The following MDM4 variants were observed in gnomAD, a reference collection of about 807,000 sequenced individuals.
MDM4 encodes protein Mdm4.
Under a neutral mutation model 60.2 loss-of-function variants are expected in MDM4, and 2 were observed. The ratio of observed to expected loss-of-function variants is 0.03; its 90% CI spans 0.01 to 0.10. MDM4 has a LOEUF of 0.10. MDM4 is among the 10% of genes least tolerant of loss of function. MDM4 has a pLI of 1.00. For synonymous variants in MDM4, 202 were observed against 198.1 expected (o/e 1.02, Z -0.17); for missense variants, 447 against 577.5 (o/e 0.77, Z 2.32).
rs1409517204 is a variant in MDM4, at chr1:204,525,735, C to G, written c.78+139C>G. 3 of 614,512 alleles carry G rather than the reference C, an allele frequency of 4.9e-6. No homozygotes were observed. The African/African-American group carries it at 5.7e-5, about 12-fold the overall frequency. The allele number at this position is 614,512 out of a possible 1,614,324, so 38.1% of individuals were successfully genotyped here. ...TTACTTGAAGCCAGGTGTTTGAGAC[C>G]AGCCTTGGCAACATAGTGAGACCTG... is the stretch of plus-strand genomic sequence containing the variant. On this transcript the variant is annotated intron_variant, in intron 2 of 10. Coordinates refer to ENST00000367182, the MANE Select transcript of MDM4 (RefSeq NM_002393.5).
intron 5 of MDM4, among the ~76,000 whole-genome samples, chr1:204,535,790 C>T (rs1454712249): frequency 2.0e-5 from 3 of 151,912 alleles, no homozygotes; most frequent in African/African-American, 7.2e-5. Flanking sequence ...ATCCACACAC[C>T]TCGACCTCCC....
chr1:204,523,440 C>CT (rs1377838261), intron 1 of MDM4, among the ~76,000 whole-genome samples: 13 of 143,010 alleles, frequency 9.1e-5, no homozygotes. Flanking sequence ...GCACTCCAGC[C>CT]TGGGCGACAG....
chr1:204,532,661 A>G (rs1005903375), intron 5 of MDM4: 3 of 1,141,376 alleles, frequency 2.6e-6, no homozygotes, highest in South Asian at 3.2e-5. Flanking sequence ...TCTTACTTGA[A>G]TTAGGATCCA....
At position 204,525,466 on chromosome 1, in the gene MDM4, ATTTT is replaced by A. The variant is rs975295354; in HGVS notation, c.-35-12_-35-9del. ...TTCTGCATTAGAATAGATGTTATAA[ATTTT>A]TTTTTCTATTTAGTTTTACCAACAG... On this transcript the variant is annotated splice_polypyrimidine_tract_variant and intron_variant, in intron 1 of 10. Coordinates refer to ENST00000367182, the MANE Select transcript of MDM4 (RefSeq NM_002393.5). 1.3e-6 allele frequency: 2 copies of A among 1,550,172 alleles called. No individual in the cohort carries two copies. The highest frequency in any genetic ancestry group is 1.4e-5 in the African/African-American group (1 of 71,666).
chr1:204,550,859 G>A lies in MDM4; in HGVS notation c.*1177G>A. On this transcript the variant is annotated 3_prime_UTR_variant, in exon 11 of 11. Transcript: ENST00000367182. ...CAAAGATATTTTTATGAAAGCCCTG[G>A]GACTATAGATTTAGCTGATTAAATT... is the stretch of plus-strand genomic sequence containing the variant. 1 of 178,994 alleles carries A rather than the reference G, an allele frequency of 5.6e-6. No homozygotes were observed. The highest frequency in any genetic ancestry group is 9.2e-5 in the East Asian group (1 of 10,836). The allele number at this position is 178,994 out of a possible 1,614,324, so 11.1% of individuals were successfully genotyped here.
Position 204,549,720 on chromosome 1 carries a change from C to A in MDM4, c.*38C>A. On this transcript the variant is annotated 3_prime_UTR_variant, in exon 11 of 11. Coordinates refer to ENST00000367182, the MANE Select transcript of MDM4 (RefSeq NM_002393.5). Reference sequence around the variant, plus strand: ...CATAAAAATGCATTTATTCCGTTCACTTACCACATTATTTGAAAATCAATC... The same window carrying A: ...CATAAAAATGCATTTATTCCGTTCAATTACCACATTATTTGAAAATCAATC... 1 of 1,100,420 alleles carries A rather than the reference C, an allele frequency of 9.1e-7. No homozygotes were observed. The highest frequency in any genetic ancestry group is 1.3e-6 in the Non-Finnish European group (1 of 772,646). The allele number at this position is 1,100,420 out of a possible 1,614,324, so 68.2% of individuals were successfully genotyped here. A position where few individuals can be genotyped will look rare whatever the true frequency, so the allele number is the denominator to read the frequency against.
In MDM4 at chr1:204,549,360, A is replaced by C. The variant is rs374162474; in HGVS notation, c.1151A>C (p.Lys384Thr). The stretch of plus-strand genomic sequence containing the variant: ...GCGTATATAAAGAAAGAAAACTCCA[A>C]ACTTTTTGATCCCTGCAACTCAGTG... The part of the protein sequence containing the change: ...KDAYIKKENS[K>T]LFDPCNSVEF... The change falls in exon 11 of 11, where the codon AAA becomes ACA. Residue 384 changes from lysine (K) to threonine (T), a missense_variant. Around this residue, in one of 8 missense-constraint regions of MDM4, gnomAD observed 117 missense variants for 114.5 expected, o/e 1.02. Transcript: ENST00000367182. The C allele has an allele frequency of 6.2e-7, 1 of 1,614,160 alleles. No individual in the cohort carries two copies. Among genetic ancestry groups the C allele is most frequent in the South Asian group, 1.1e-5 (1 of 91,078 alleles).
chr1:204,527,592 A>G (rs566234438), intron 3 of MDM4, among the ~76,000 whole-genome samples: 3 of 151,860 alleles, frequency 2.0e-5, no homozygotes, highest in Non-Finnish European at 4.4e-5. Flanking sequence ...GCGGTGAGCC[A>G]AGATTGTGCC....
At position 204,532,202 on chromosome 1, in the gene MDM4, A is replaced by T; in HGVS notation, c.299A>T (p.Asp100Val). The T allele has an allele frequency of 6.3e-7, 1 of 1,598,886 alleles. No homozygotes were observed. Among genetic ancestry groups the T allele is most frequent in the Middle Eastern group, 1.7e-4 (1 of 6,036 alleles). Residue 100 changes from aspartate (D) to valine (V), a missense_variant, in exon 5 of 11, where the codon GAT (aspartate) becomes GTT (valine). Transcript: ENST00000367182. Reference sequence around the variant, plus strand: ...TCTCTCTTTAACAGCCCTCTCTATGATATGCTAAGAAAGAATCTTGTCACT... The same window carrying T: ...TCTCTCTTTAACAGCCCTCTCTATGTTATGCTAAGAAAGAATCTTGTCACT... Reference protein sequence around the residue: ...FSVKDPSPLYDMLRKNLVTLA... With the variant: ...FSVKDPSPLYVMLRKNLVTLA...
chr1:204,523,833 A>C (rs1185714832), intron 1 of MDM4, among the ~76,000 whole-genome samples: 1 of 152,152 alleles, frequency 6.6e-6, no homozygotes. Flanking sequence ...ACACCTGAAC[A>C]AGGGAGGGGA....
Position 204,519,346 on chromosome 1 carries a change from ATAAAGT to A in MDM4, c.-36+2846_-36+2851del, listed in dbSNP as rs199906913. 7.4e-3 allele frequency among the ~76,000 whole-genome samples: 1,122 copies of A among 152,270 alleles called. 18 individuals are homozygous for A. Among genetic ancestry groups the A allele is most frequent in the African/African-American group, 0.022 (924 of 41,536 alleles). ...AAGAAACCGCGTCTCTACTAAAAAT[ATAAAGT>A]TAAAGTTAGCTGGGCGTGATGGTGC... On this transcript the variant is annotated intron_variant, in intron 1 of 10. Coordinates refer to ENST00000367182, the MANE Select transcript of MDM4 (RefSeq NM_002393.5).
intron 1 of MDM4, among the ~76,000 whole-genome samples, chr1:204,523,415 C>G (rs890053440): frequency 6.8e-6 from 1 of 146,978 alleles, no homozygotes; most frequent in Non-Finnish European, 1.5e-5. Flanking sequence ...TGCAGTGAGC[C>G]GAGATCATGC....
chr1:204,542,894 A>G lies in MDM4; in HGVS notation c.622A>G (p.Ser208Gly), dbSNP rs774892133. 1.2e-6 allele frequency: 2 copies of G among 1,614,120 alleles called. No individual in the cohort carries two copies. Among genetic ancestry groups the G allele is most frequent in the Admixed American group, 3.3e-5 (2 of 60,020 alleles). Residue 208 changes from serine (S) to glycine (G), a missense_variant, in exon 8 of 11, where the codon AGC becomes GGC. Ser to Gly is a moderately conservative substitution (Grantham distance 56). Transcript: ENST00000367182. ...LPWWFLGNLR[S>G]NYTPRSNGST... ...TTGGTGGTTTTTAGGAAACTTGAGA[A>G]GCAACTATACACCTAGAAGTAATGG...
chr1:204,538,127 C>G (rs999307066), intron 6 of MDM4, 82 bp from the exon 7 acceptor site: 10 of 804,986 alleles, frequency 1.2e-5, no homozygotes, highest in Non-Finnish European at 2.2e-5. Context: ...TGCACACTAA[C>G]TGGTGAGCCA....
At chr1:204,547,817 G>A (rs1662815584) in intron 10 of MDM4, among the ~76,000 whole-genome samples, 1 of 152,176 alleles carries the variant, frequency 6.6e-6, no homozygotes, top group African/African-American at 2.4e-5. Context: ...TCCGCCTCCC[G>A]GCTTCGAGCG....
intron 5 of MDM4, 170 bp downstream of exon 5, chr1:204,532,416 AAAATC>A (rs1202866309): frequency 3.4e-6 from 2 of 587,218 alleles, no homozygotes; most frequent in African/African-American, 3.8e-5. Context: ...TTTTTACTGA[AAAATC>A]AAACATAGAG....
chr1:204,519,421 C>G (rs1045201780), intron 1 of MDM4, among the ~76,000 whole-genome samples: 1 of 152,028 alleles, frequency 6.6e-6, no homozygotes, highest in Non-Finnish European at 1.5e-5. Context: ...GCAGGAGAAT[C>G]GTTTGAACCC....
intron 8 of MDM4, 60 bp downstream of exon 8, chr1:204,543,004 T>G (rs549650645): frequency 6.1e-5 from 85 of 1,396,542 alleles, no homozygotes; most frequent in African/African-American, 8.5e-5. Context: ...ACATTCTTGG[T>G]TACTCTTGAC....
At chr1:204,520,914 A>C (rs956259649) in intron 1 of MDM4, among the ~76,000 whole-genome samples, 3 of 152,064 alleles carry the variant, frequency 2.0e-5, no homozygotes, top group Non-Finnish European at 4.4e-5. Context: ...AATAAGTAAA[A>C]TGGGCCATGT....
Sources: gnomAD v4.1 joint callset for allele counts (sites outside exome capture counted in the v4.1 genomes callset) on GRCh38, gnomAD v4.1.1 for gene constraint, gnomAD v4.1.1 regional missense constraint, MANE v1.5 for transcripts, NCBI Gene and HGNC (gene_info 2026-07-23, HGNC 2026-07-21) for gene names.